The following ATP11B variants were observed in gnomAD, a reference collection of about 807,000 sequenced individuals.
ATP11B encodes phospholipid-transporting ATPase IF.
Under a neutral mutation model 157.8 loss-of-function variants are expected in ATP11B, and 81 were observed. The ratio of observed to expected loss-of-function variants is 0.51; its 90% CI spans 0.43 to 0.62. The LOEUF (loss-of-function observed/expected upper bound fraction) is 0.62, where lower values mean the gene tolerates loss of function less well. Ranked by LOEUF, ATP11B falls within the 20% of genes least tolerant of loss-of-function variation. ATP11B has a pLI of 0.00. For synonymous variants in ATP11B, 451 were observed against 469.4 expected (o/e 0.96, Z 0.51); for missense variants, 1,165 against 1,402.2 (o/e 0.83, Z 2.70).
intron 28 of ATP11B, among the ~76,000 whole-genome samples, chr3:182,904,729 A>C (rs540481884): frequency 6.6e-6 from 1 of 152,160 alleles, no homozygotes; most frequent in Non-Finnish European, 1.5e-5. Flanking sequence ...CTCTACTAAA[A>C]ATACAAAAAT....
At chr3:182,876,004 T>C (rs945529788) in intron 19 of ATP11B, among the ~76,000 whole-genome samples, 1 of 152,106 alleles carries the variant, frequency 6.6e-6, no homozygotes, top group Non-Finnish European at 1.5e-5. Context: ...CCCAACACCC[T>C]GGGAGGCTGA....
At chr3:182,827,573 G>A (rs551761036) in intron 2 of ATP11B, among the ~76,000 whole-genome samples, 13 of 151,606 alleles carry the variant, frequency 8.6e-5, no homozygotes, top group African/African-American at 2.9e-4. Context: ...ACAGATTTTC[G>A]TATCCTTTAT....
At chr3:182,887,043 A>G (rs755412520) in intron 23 of ATP11B, among the ~76,000 whole-genome samples, 6 of 152,332 alleles carry the variant, frequency 3.9e-5, no homozygotes, top group Non-Finnish European at 1.5e-5. Flanking sequence ...CAATATGTAA[A>G]GCATAGGCAA....
intron 10 of ATP11B, among the ~76,000 whole-genome samples, chr3:182,856,171 T>G (rs1456563754): frequency 1.3e-5 from 2 of 152,186 alleles, no homozygotes; most frequent in Admixed American, 1.3e-4. Context: ...GTGTATCTGT[T>G]GCTGTAGTAG....
chr3:182,877,171 A>G (rs182061731), intron 19 of ATP11B, among the ~76,000 whole-genome samples: 171 of 152,172 alleles, frequency 1.1e-3, no homozygotes, highest in African/African-American at 3.9e-3. Flanking sequence ...TCCTATCCCT[A>G]CAGAACTGTA....
At chr3:182,866,241 T>C (rs978329240) in intron 13 of ATP11B, 27 bp from the exon 14 acceptor site, 14 of 1,465,320 alleles carry the variant, frequency 9.6e-6, no homozygotes, top group Non-Finnish European at 1.3e-5. Context: ...GATATTTTTA[T>C]CATGAATATT....
chr3:182,861,770 G>A (rs1168888205), intron 12 of ATP11B, among the ~76,000 whole-genome samples: 1 of 152,112 alleles, frequency 6.6e-6, no homozygotes, highest in African/African-American at 2.4e-5. Flanking sequence ...TACCTTTTAT[G>A]TAAGGAGTGA....
At chr3:182,896,614 A>T (rs1259424284) in intron 25 of ATP11B, 86 bp from the exon 26 acceptor site, 2 of 1,147,720 alleles carry the variant, frequency 1.7e-6, no homozygotes, top group African/African-American at 3.1e-5. Flanking sequence ...AATTCAAGGG[A>T]TTTTTAGTAG....
At position 182,919,222 on chromosome 3, in the gene ATP11B, G is replaced by A. The variant is rs1725315829; in HGVS notation, c.*1118G>A. 6.6e-6 allele frequency: 1 copy of A among 152,490 alleles called. No homozygotes were observed. Among genetic ancestry groups the A allele is most frequent in the African/African-American group, 2.4e-5 (1 of 41,416 alleles). 9.4% of individuals were successfully genotyped at this position (152,490 alleles called of 1,614,324 possible). ...TTTCAGTTAATAATCTTATTTTCAG[G>A]TTATGTCATCTAACTTATAGCAAAC... On this transcript the variant is annotated 3_prime_UTR_variant, in exon 30 of 30. Transcript: ENST00000323116.
intron 7 of ATP11B, among the ~76,000 whole-genome samples, chr3:182,838,580 A>G (rs893250036): frequency 6.6e-6 from 1 of 152,126 alleles, no homozygotes; most frequent in Admixed American, 6.5e-5. Flanking sequence ...TTATATCACT[A>G]CTTAAAATCT....
In ATP11B at chr3:182,919,383, CAT is replaced by C. The variant is rs1725324191; in HGVS notation, c.*1280_*1281del. 6.6e-6 allele frequency: 1 copy of C among 152,598 alleles called. No individual in the cohort carries two copies. The highest frequency in any genetic ancestry group is 1.9e-4 in the East Asian group (1 of 5,202). The allele number at this position is 152,598 out of a possible 1,614,324, so 9.5% of individuals were successfully genotyped here. A position where few individuals can be genotyped will look rare whatever the true frequency, so the allele number is the denominator to read the frequency against. On this transcript the variant is annotated 3_prime_UTR_variant, in exon 30 of 30. Coordinates refer to ENST00000323116, the MANE Select transcript of ATP11B (RefSeq NM_014616.3). ...AATGCTAAGAATGATTAATCGGGTA[CAT>C]GTTACTGTAATTAACTCATTGCACT...
chr3:182,809,136 G>A (rs1473488388), intron 1 of ATP11B, among the ~76,000 whole-genome samples: 2 of 151,984 alleles, frequency 1.3e-5, no homozygotes, highest in Non-Finnish European at 2.9e-5. Flanking sequence ...CCAAAACTCT[G>A]AGAACCAATG....
At chr3:182,805,625 C>CT (rs71183648) in intron 1 of ATP11B, among the ~76,000 whole-genome samples, 73,240 of 140,184 alleles carry the variant, frequency 0.52, 21,060 homozygotes, top group Non-Finnish European at 0.67. Flanking sequence ...CAGCTAATTT[C>CT]TTTTTTTTTT....
At chr3:182,817,290 G>GT (rs1717023792) in intron 1 of ATP11B, among the ~76,000 whole-genome samples, 2 of 147,616 alleles carry the variant, frequency 1.4e-5, no homozygotes, top group African/African-American at 5.0e-5. Flanking sequence ...TTTTTTGTTT[G>GT]TTTGTTTTTG....
At chr3:182,794,220 G>T (rs746733318) in intron 1 of ATP11B, among the ~76,000 whole-genome samples, 77 of 152,286 alleles carry the variant, frequency 5.1e-4, no homozygotes, top group Non-Finnish European at 2.5e-4. Flanking sequence ...TTGGGTGAAG[G>T]GGAAGCGAAG....
intron 12 of ATP11B, among the ~76,000 whole-genome samples, chr3:182,861,328 G>A (rs1720821769): frequency 6.6e-6 from 1 of 152,172 alleles, no homozygotes; most frequent in Non-Finnish European, 1.5e-5. Flanking sequence ...GCCTCCCAAA[G>A]TGCTGGGATT....
rs76893660 is a variant in ATP11B, at chr3:182,887,229, T to G, written c.2716-357T>G. Among the ~76,000 whole-genome samples the G allele has an allele frequency of 3.9e-4, 59 of 152,290 alleles. 1 individual carries two copies. In the East Asian group the frequency reaches 7.3e-3, roughly 19 times the overall value. On this transcript the variant is annotated intron_variant, in intron 23 of 29. Coordinates refer to ENST00000323116, the MANE Select transcript of ATP11B (RefSeq NM_014616.3). ...AAAGCCATGAAAGGTAAACTGTATG[T>G]GTTGCATGTGGAAGGAGTAGTAAGA...
intron 2 of ATP11B, among the ~76,000 whole-genome samples, chr3:182,823,175 A>T (rs970383813): frequency 2.0e-5 from 3 of 152,216 alleles, no homozygotes; most frequent in Non-Finnish European, 4.4e-5. Context: ...TGTTTTAGAC[A>T]TGAAGTCCTT....
intron 7 of ATP11B, among the ~76,000 whole-genome samples, chr3:182,841,626 T>A (rs680128): frequency 0.51 from 78,114 of 152,006 alleles, 22,834 homozygotes; most frequent in Non-Finnish European, 0.66. Context: ...TTAAAATGAT[T>A]TATAGCAAGA....
Sources: gnomAD v4.1 joint callset for allele counts (sites outside exome capture counted in the v4.1 genomes callset) on GRCh38, gnomAD v4.1.1 for gene constraint, MANE v1.5 for transcripts, NCBI Gene and HGNC (gene_info 2026-07-23, HGNC 2026-07-21) for gene names.